SPATS2L: variants seen among roughly 807,000 people sequenced by gnomAD.
SPATS2L encodes the protein SPATS2-like protein.
A neutral mutation model predicts 59.6 loss-of-function variants in SPATS2L; 30 were observed. That is an observed-to-expected ratio of 0.50 (90% CI 0.38 to 0.68). SPATS2L has a LOEUF of 0.68. Ranked by LOEUF, SPATS2L falls within the 30% of genes least tolerant of loss-of-function variation. The pLI, the probability that SPATS2L is intolerant of heterozygous loss-of-function variation, is 0.00. For synonymous variants in SPATS2L, 252 were observed against 263.5 expected (o/e 0.96, Z 0.42); for missense variants, 615 against 700.0 (o/e 0.88, Z 1.37).
intron 2 of SPATS2L, among the ~76,000 whole-genome samples, chr2:200,346,273 C>A (rs1049818516): frequency 6.6e-6 from 1 of 152,156 alleles, no homozygotes; most frequent in East Asian, 1.9e-4. Flanking sequence ...AGCTAGGAAA[C>A]CCATATTTTG....
At position 200,326,901 on chromosome 2, in the gene SPATS2L, A is replaced by ATTT. The variant is rs755351538; in HGVS notation, c.-72-2507_-72-2505dup. Among the ~76,000 whole-genome samples the ATTT allele has an allele frequency of 1.1e-3, 110 of 99,076 alleles. 1 individual carries two copies. The highest frequency in any genetic ancestry group is 7.2e-3 in the Middle Eastern group (1 of 138). The allele number at this position is 99,076 out of a possible 152,430, so 65.0% of individuals were successfully genotyped here. On this transcript the variant is annotated intron_variant, in intron 1 of 12. Transcript: ENST00000409140. ...AGGCGTGTGCCACCATGCCCGGCTAATTTTTTTTTTTTTTTTTTTTTTTTT... is the reference window on the plus strand; with the variant it reads ...AGGCGTGTGCCACCATGCCCGGCTAATTTTTTTTTTTTTTTTTTTTTTTTTTTT...
At chr2:200,467,755 A>G (rs1264965390) in intron 10 of SPATS2L, among the ~76,000 whole-genome samples, 1 of 152,236 alleles carries the variant, frequency 6.6e-6, no homozygotes, top group Non-Finnish European at 1.5e-5. Flanking sequence ...ATCCACAGGT[A>G]TATATACACA....
intron 4 of SPATS2L, among the ~76,000 whole-genome samples, chr2:200,412,809 C>T (rs775616844): frequency 2.6e-5 from 4 of 151,908 alleles, no homozygotes; most frequent in South Asian, 2.1e-4. Flanking sequence ...CCCAGCACTT[C>T]GGAAGGCGAA....
chr2:200,348,238 G>C (rs527931772), intron 2 of SPATS2L, among the ~76,000 whole-genome samples: 1 of 152,338 alleles, frequency 6.6e-6, no homozygotes, highest in African/African-American at 2.4e-5. Context: ...ATAGGGCAGT[G>C]ACAGAAAATG....
At chr2:200,429,696 C>T (rs951486089) in intron 6 of SPATS2L, among the ~76,000 whole-genome samples, 14 of 152,122 alleles carry the variant, frequency 9.2e-5, no homozygotes, top group African/African-American at 3.4e-4. Context: ...GAGATATACT[C>T]CTGTTCTTAT....
chr2:200,384,506 G>T (rs1021190103), intron 2 of SPATS2L, among the ~76,000 whole-genome samples: 1 of 152,110 alleles, frequency 6.6e-6, no homozygotes, highest in African/African-American at 2.4e-5. Flanking sequence ...GGCGCATGCC[G>T]CCATGCCGGC....
At chr2:200,306,590 T>A, upstream of SPATS2L, 2 of 993,132 alleles carry the variant, frequency 2.0e-6, no homozygotes, top group Non-Finnish European at 2.4e-6. Flanking sequence ...CCGGCTGGGG[T>A]GTGTGCTCCT....
chr2:200,479,660 A>C lies in SPATS2L; in HGVS notation c.*1629A>C. 2.5e-6 allele frequency: 1 copy of C among 398,594 alleles called. No individual in the cohort carries two copies. The allele number at this position is 398,594 out of a possible 1,614,324, so 24.7% of individuals were successfully genotyped here. A position where few individuals can be genotyped will look rare whatever the true frequency, so the allele number is the denominator to read the frequency against. On this transcript the variant is annotated 3_prime_UTR_variant, in exon 13 of 13. Coordinates refer to ENST00000409140, the MANE Select transcript of SPATS2L (RefSeq NM_001100423.2). ...TTTGGGTGCCGCTTCCGTTGCACTC[A>C]CATGTCCTACATATCTGTTGACTAC...
intron 8 of SPATS2L, among the ~76,000 whole-genome samples, chr2:200,452,727 C>A (rs3754789): frequency 2.6e-5 from 4 of 152,166 alleles, no homozygotes; most frequent in Admixed American, 1.3e-4. Context: ...CACCCCCACT[C>A]TATTTCCCGG....
chr2:200,409,067 C>A (rs1265386995), intron 3 of SPATS2L, among the ~76,000 whole-genome samples: 1 of 152,238 alleles, frequency 6.6e-6, no homozygotes, highest in African/African-American at 2.4e-5. Flanking sequence ...GCGGGGCAGT[C>A]AAGTGCAGCT....
intron 2 of SPATS2L, among the ~76,000 whole-genome samples, chr2:200,384,957 G>T (rs1382897163): frequency 6.6e-6 from 1 of 152,202 alleles, no homozygotes; most frequent in Non-Finnish European, 1.5e-5. Flanking sequence ...TGATTGGTAT[G>T]TATGGAACAT....
intron 2 of SPATS2L, among the ~76,000 whole-genome samples, chr2:200,371,279 G>C (rs1349174235): frequency 6.6e-6 from 1 of 152,096 alleles, no homozygotes; most frequent in African/African-American, 2.4e-5. Context: ...TTCCAACTCT[G>C]ACATCCTTTG....
intron 9 of SPATS2L, among the ~76,000 whole-genome samples, chr2:200,461,757 A>ATTTTATTTTTATTT (rs1387693155): frequency 6.6e-6 from 1 of 152,180 alleles, no homozygotes; most frequent in African/African-American, 2.4e-5. Context: ...CAGATTCTTC[A>ATTTTATTTTTATTT]TTCTTTTTTA....
intron 2 of SPATS2L, among the ~76,000 whole-genome samples, chr2:200,335,800 T>C (rs2080123205): frequency 6.6e-6 from 1 of 152,222 alleles, no homozygotes; most frequent in Non-Finnish European, 1.5e-5. Flanking sequence ...ACATTCATTT[T>C]GTTATCATGA....
intron 1 of SPATS2L, among the ~76,000 whole-genome samples, chr2:200,327,403 C>A (rs1413372889): frequency 4.7e-5 from 7 of 147,386 alleles, no homozygotes; most frequent in Admixed American, 6.7e-5. Context: ...GACTCCGTCT[C>A]AAAAAAAAAA....
intron 2 of SPATS2L, among the ~76,000 whole-genome samples, chr2:200,336,745 T>C (rs1212675380): frequency 2.6e-5 from 4 of 152,208 alleles, no homozygotes; most frequent in South Asian, 2.1e-4. Flanking sequence ...GTCTGAAAAA[T>C]TGATGAATAA....
chr2:200,396,529 C>A (rs963059058), intron 3 of SPATS2L, among the ~76,000 whole-genome samples: 3 of 152,052 alleles, frequency 2.0e-5, no homozygotes, highest in African/African-American at 7.2e-5. Flanking sequence ...TTTCTTGTAA[C>A]TCTCTTGATC....
intron 2 of SPATS2L, among the ~76,000 whole-genome samples, chr2:200,386,307 C>T (rs946173945): frequency 6.6e-6 from 1 of 152,048 alleles, no homozygotes; most frequent in East Asian, 1.9e-4. Flanking sequence ...CCCCATTCTA[C>T]CCTCACAGCC....
chr2:200,374,250 C>T (rs2081525788), intron 2 of SPATS2L, among the ~76,000 whole-genome samples: 1 of 152,130 alleles, frequency 6.6e-6, no homozygotes, highest in African/African-American at 2.4e-5. Flanking sequence ...TTATTTCTGG[C>T]TTTACACATT....
Sources: gnomAD v4.1 joint callset for allele counts (sites outside exome capture counted in the v4.1 genomes callset) on GRCh38, gnomAD v4.1.1 for gene constraint, MANE v1.5 for transcripts, NCBI Gene and HGNC (gene_info 2026-07-23, HGNC 2026-07-21) for gene names.